The following CREB1 variants were observed in gnomAD, a reference collection of about 807,000 sequenced individuals.
CREB1 encodes cyclic AMP-responsive element-binding protein 1.
A neutral mutation model predicts 42.0 loss-of-function variants in CREB1; 2 were observed. That is an observed-to-expected ratio of 0.05 (90% CI 0.02 to 0.15). CREB1 has a LOEUF of 0.15. Among genes scored for constraint, CREB1 ranks in the 10% least tolerant of loss-of-function variants. The pLI, the probability that CREB1 is intolerant of heterozygous loss-of-function variation, is 1.00. For missense variants in CREB1, 199 were observed against 388.9 expected, an observed-to-expected ratio of 0.51 and a Z score of 4.11; for synonymous variants, 123 against 139.9, an observed-to-expected ratio of 0.88 and a Z score of 0.85.
Position 207,593,239 on chromosome 2 carries a change from A to G in CREB1, c.840-3675A>G, listed in dbSNP as rs1405085848. Reference sequence around the variant, plus strand: ...CATGTTAGTCATACTTAAAATTTGTATCAAGGCTGGGTGCGGTGGCTCATG... The same window carrying G: ...CATGTTAGTCATACTTAAAATTTGTGTCAAGGCTGGGTGCGGTGGCTCATG... On this transcript the variant is annotated intron_variant, in intron 7 of 7. Transcript: ENST00000353267. Among the ~76,000 whole-genome samples the G allele has an allele frequency of 3.9e-5, 6 of 152,084 alleles. No homozygotes were observed. The South Asian group carries it at 8.3e-4, about 21-fold the overall frequency.
chr2:207,592,150 A>G (rs1315080550), intron 7 of CREB1, among the ~76,000 whole-genome samples: 1 of 152,122 alleles, frequency 6.6e-6, no homozygotes, highest in African/African-American at 2.4e-5. Context: ...GAAGTGACAG[A>G]CTTTAAAGAT....
chr2:207,530,943 G>A (rs1356856003), intron 1 of CREB1, among the ~76,000 whole-genome samples: 1 of 151,384 alleles, frequency 6.6e-6, no homozygotes, highest in African/African-American at 2.4e-5. Flanking sequence ...GCTTTTGGGG[G>A]GAATTTTTGA....
chr2:207,555,152 C>T (rs1248702228), intron 1 of CREB1, among the ~76,000 whole-genome samples: 3 of 152,158 alleles, frequency 2.0e-5, no homozygotes, highest in African/African-American at 7.2e-5. Context: ...CTTACAATTG[C>T]TGTTTCTTCC....
intron 2 of CREB1, 41 bp downstream of exon 2, chr2:207,555,790 T>C (rs772775823): frequency 5.4e-6 from 7 of 1,298,756 alleles, no homozygotes; most frequent in East Asian, 2.3e-5. Flanking sequence ...TGTCTCTTCC[T>C]AGAGGAATAC....
At chr2:207,565,506 T>G (rs1415022688) in intron 3 of CREB1, among the ~76,000 whole-genome samples, 1 of 151,696 alleles carries the variant, frequency 6.6e-6, no homozygotes, top group Non-Finnish European at 1.5e-5. Flanking sequence ...TTTTTTTCAT[T>G]AAGGGCCATA....
chr2:207,567,338 A>T (rs763796190), intron 3 of CREB1, 125 bp from the exon 4 acceptor site: 2 of 592,450 alleles, frequency 3.4e-6, no homozygotes, highest in South Asian at 4.4e-5. Flanking sequence ...GTTGTCTCCC[A>T]TAAGAACTGA....
At chr2:207,538,167 T>C (rs2080950991) in intron 1 of CREB1, among the ~76,000 whole-genome samples, 1 of 152,178 alleles carries the variant, frequency 6.6e-6, no homozygotes, top group East Asian at 1.9e-4. Context: ...TAGGGATGCT[T>C]ACCCTGTATT....
chr2:207,582,080 T>G (rs1361357532), intron 7 of CREB1: 7 of 702,358 alleles, frequency 1.0e-5, no homozygotes, highest in Admixed American at 6.0e-5. Flanking sequence ...TAAAGTGCTG[T>G]CCAGGTGTCT....
intron 7 of CREB1, among the ~76,000 whole-genome samples, chr2:207,596,179 G>A (rs531252273): frequency 2.0e-5 from 3 of 152,232 alleles, no homozygotes; most frequent in African/African-American, 7.2e-5. Context: ...TCACTCTTTT[G>A]CATGTGGATA....
At chr2:207,543,956 G>A (rs1559267782) in intron 1 of CREB1, among the ~76,000 whole-genome samples, 1 of 150,920 alleles carries the variant, frequency 6.6e-6, no homozygotes, top group Non-Finnish European at 1.5e-5. Flanking sequence ...GTCTCGCTGT[G>A]TTGTGCAGGC....
chr2:207,552,500 G>A (rs2081547997), intron 1 of CREB1, among the ~76,000 whole-genome samples: 1 of 132,518 alleles, frequency 7.5e-6, no homozygotes. Context: ...AAAAATGGTT[G>A]TGTATACCCT....
intron 1 of CREB1, among the ~76,000 whole-genome samples, chr2:207,540,461 G>A (rs1287387090): frequency 2.6e-5 from 4 of 151,808 alleles, no homozygotes; most frequent in South Asian, 2.1e-4. Flanking sequence ...GCAAAATGGC[G>A]AAATCCTGTC....
At position 207,560,259 on chromosome 2, in the gene CREB1, G is replaced by A; in HGVS notation, c.148G>A (p.Ala50Thr). Reference protein sequence around the residue: ...SMPAAHATSSAPTVTLVQLPN... With the variant: ...SMPAAHATSSTPTVTLVQLPN... ...GCCAGCAGCTCATGCAACATCATCT[G>A]CTCCCACCGTAACTCTAGTACAGCT... Residue 50 changes from alanine to threonine, a missense_variant, in exon 3 of 8, where the codon GCT becomes ACT. Coordinates refer to ENST00000353267, the MANE Select transcript of CREB1 (RefSeq NM_004379.5). The A allele has an allele frequency of 1.2e-6, 2 of 1,613,150 alleles. No homozygotes were observed. Among genetic ancestry groups the A allele is most frequent in the Non-Finnish European group, 1.7e-6 (2 of 1,179,366 alleles).
At chr2:207,580,986 G>A (rs1257134765) in intron 7 of CREB1, 1 of 218,324 alleles carries the variant, frequency 4.6e-6, no homozygotes, top group Non-Finnish European at 9.2e-6. Flanking sequence ...AGTGGAGTGG[G>A]AATGAACTCT....
In CREB1 at chr2:207,570,272, C is replaced by T. The variant is rs768152463; in HGVS notation, c.456C>T (p.Thr152=). The T allele has an allele frequency of 6.2e-7, 1 of 1,613,600 alleles. No individual in the cohort carries two copies. The highest frequency in any genetic ancestry group is 1.1e-5 in the South Asian group (1 of 91,048). The change falls in exon 5 of 8, where the codon ACC becomes ACT. Residue 152 remains threonine, a synonymous_variant. Transcript: ENST00000353267. ...AGGAGACTTCAGCACCTGCCATCAC[C>T]ACTGTAACGGTGCCAACTCCAATTT... ...SEEETSAPAI[T]TVTVPTPIYQ...
At chr2:207,546,963 C>G (rs1315986360) in intron 1 of CREB1, among the ~76,000 whole-genome samples, 1 of 152,122 alleles carries the variant, frequency 6.6e-6, no homozygotes, top group East Asian at 1.9e-4. Context: ...GTTCCATTCC[C>G]AAATATTACA....
At chr2:207,550,545 G>A (rs941699559) in intron 1 of CREB1, 12 of 151,994 alleles carry the variant, frequency 7.9e-5, no homozygotes, top group African/African-American at 2.4e-4. Context: ...GAATGTTGAC[G>A]ATTATAAGGA....
At chr2:207,570,040 CAAAAAAA>C (rs757439012) in intron 4 of CREB1, 132 bp from the exon 5 acceptor site, 13 of 177,824 alleles carry the variant, frequency 7.3e-5, no homozygotes, top group Non-Finnish European at 1.1e-4. Context: ...GACTCCATCT[CAAAAAAA>C]AAAAAAAAAA....
chr2:207,580,513 C>T (rs1229101607), intron 7 of CREB1: 2 of 218,052 alleles, frequency 9.2e-6, no homozygotes, highest in Non-Finnish European at 1.8e-5. Context: ...GTGGCTATTT[C>T]AGTGGAAAAG....
Sources: gnomAD v4.1 joint callset for allele counts (sites outside exome capture counted in the v4.1 genomes callset) on GRCh38, gnomAD v4.1.1 for gene constraint, MANE v1.5 for transcripts, NCBI Gene and HGNC (gene_info 2026-07-23, HGNC 2026-07-21) for gene names.